The following MARCHF7 variants were observed in gnomAD, a reference collection of about 807,000 sequenced individuals.
MARCHF7 encodes the protein membrane associated ring-CH-type finger 7, also known as E3 ubiquitin-protein ligase MARCHF7.
Under a neutral mutation model 76.5 loss-of-function variants are expected in MARCHF7, and 20 were observed. The observed-to-expected ratio is 0.26, with a 90% CI of 0.18 to 0.38. MARCHF7 has a LOEUF of 0.38. MARCHF7 is among the 10% of genes least tolerant of loss of function. The pLI, the probability that MARCHF7 is intolerant of heterozygous loss-of-function variation, is 1.00. For synonymous variants in MARCHF7, 295 were observed against 293.0 expected (o/e 1.01, Z -0.07); for missense variants, 797 against 812.9 (o/e 0.98, Z 0.24).
Position 159,743,057 on chromosome 2 carries a change from A to G in MARCHF7, c.154-4A>G, listed in dbSNP as rs763854955. On this transcript the variant is annotated splice_region_variant and splice_polypyrimidine_tract_variant and intron_variant, in intron 4 of 11. Coordinates refer to ENST00000409175, the MANE Select transcript of MARCHF7 (RefSeq NM_001282805.2). ...TTGTTTAAAAAATTTTTTTGAACTCACAGTCTACATCAGCATCAGCATCTG... is the reference window on the plus strand; with the variant it reads ...TTGTTTAAAAAATTTTTTTGAACTCGCAGTCTACATCAGCATCAGCATCTG... The G allele has an allele frequency of 1.9e-6, 3 of 1,604,230 alleles. No individual in the cohort carries two copies. The South Asian group carries it at 3.3e-5, about 18-fold the overall frequency.
intron 3 of MARCHF7, among the ~76,000 whole-genome samples, chr2:159,726,818 C>T (rs879372168): frequency 6.6e-6 from 1 of 152,156 alleles, no homozygotes; most frequent in Non-Finnish European, 1.5e-5. Context: ...TGCCAACCAC[C>T]AATCTTCTTT....
Position 159,737,389 on chromosome 2 carries a change from T to C in MARCHF7, c.154-5672T>C, listed in dbSNP as rs940473943. On this transcript the variant is annotated intron_variant, in intron 4 of 11. Coordinates refer to ENST00000409175, the MANE Select transcript of MARCHF7 (RefSeq NM_001282805.2). ...TTTAATAAACATTTTTCCAAAGATATATTAATGGCTGATAAGCACATGAAA... is the reference window on the plus strand; with the variant it reads ...TTTAATAAACATTTTTCCAAAGATACATTAATGGCTGATAAGCACATGAAA... Among the ~76,000 whole-genome samples the C allele has an allele frequency of 2.0e-5, 3 of 152,138 alleles. No homozygotes were observed. The South Asian group carries it at 6.2e-4, about 32-fold the overall frequency.
chr2:159,760,817 A>G (rs1260117884), intron 9 of MARCHF7, among the ~76,000 whole-genome samples: 1 of 151,100 alleles, frequency 6.6e-6, no homozygotes, highest in Non-Finnish European at 1.5e-5. Flanking sequence ...TTAATGACCC[A>G]TATTCTTTAG....
intron 3 of MARCHF7, among the ~76,000 whole-genome samples, chr2:159,727,672 C>T (rs929555486): frequency 1.3e-5 from 2 of 152,176 alleles, no homozygotes; most frequent in African/African-American, 4.8e-5. Context: ...ATCTAGCGTA[C>T]ATTCATGGTA....
chr2:159,732,126 C>CA (rs1343709956), intron 4 of MARCHF7, among the ~76,000 whole-genome samples: 1 of 150,964 alleles, frequency 6.6e-6, no homozygotes, highest in Non-Finnish European at 1.5e-5. Context: ...AAACAAAAAA[C>CA]AAAAAAAAAT....
intron 7 of MARCHF7, among the ~76,000 whole-genome samples, chr2:159,749,387 G>A (rs1490398524): frequency 1.3e-5 from 2 of 151,470 alleles, no homozygotes; most frequent in East Asian, 3.9e-4. Context: ...AGTCTCTGTT[G>A]CCCAGGTTGG....
intron 5 of MARCHF7, among the ~76,000 whole-genome samples, chr2:159,745,247 GA>G (rs1464274608): frequency 7.2e-5 from 11 of 152,306 alleles, no homozygotes; most frequent in African/African-American, 1.4e-4. Flanking sequence ...AGGCAGAGAA[GA>G]ATATGTTTAG....
At chr2:159,764,136 A>T (rs898769461) in intron 10 of MARCHF7, among the ~76,000 whole-genome samples, 1 of 151,842 alleles carries the variant, frequency 6.6e-6, no homozygotes, top group African/African-American at 2.4e-5. Flanking sequence ...AGTGGAAGTC[A>T]TTAGGATTTT....
chr2:159,724,680 T>C (rs986722774), intron 3 of MARCHF7, among the ~76,000 whole-genome samples: 1 of 152,312 alleles, frequency 6.6e-6, no homozygotes. Context: ...TGTTCTTATT[T>C]TATGAATGAA....
chr2:159,746,853 TA>T (rs1285091212), intron 6 of MARCHF7, among the ~76,000 whole-genome samples: 3 of 152,256 alleles, frequency 2.0e-5, no homozygotes, highest in Admixed American at 6.5e-5. Context: ...TAGGTTATTT[TA>T]ATTTATCTTA....
At chr2:159,742,538 C>T (rs939863564) in intron 4 of MARCHF7, among the ~76,000 whole-genome samples, 9 of 134,922 alleles carry the variant, frequency 6.7e-5, no homozygotes, top group African/African-American at 2.5e-4. Context: ...GTTTCATAAC[C>T]AAGTGTTTAT....
At chr2:159,725,877 T>G (rs1386765445) in intron 3 of MARCHF7, among the ~76,000 whole-genome samples, 1 of 152,288 alleles carries the variant, frequency 6.6e-6, no homozygotes, top group East Asian at 1.9e-4. Flanking sequence ...AAGGCTAACC[T>G]TTAAAGTGGA....
intron 8 of MARCHF7, among the ~76,000 whole-genome samples, chr2:159,753,274 T>TA (rs1460095952): frequency 2.6e-5 from 4 of 151,974 alleles, no homozygotes; most frequent in African/African-American, 9.7e-5. Context: ...GGAGGGGAGA[T>TA]AAAGTTGTGA....
rs1373970432 is a variant in MARCHF7, at chr2:159,770,265, C to G, written c.*2923C>G. On this transcript the variant is annotated 3_prime_UTR_variant, in exon 12 of 12. Coordinates refer to ENST00000409175, the MANE Select transcript of MARCHF7 (RefSeq NM_001282805.2). Reference sequence around the variant, plus strand: ...TAAAATAGACATCTCAATCACTATACAAAATCTCAGAAATGTAAAGCTCTT... The same window carrying G: ...TAAAATAGACATCTCAATCACTATAGAAAATCTCAGAAATGTAAAGCTCTT... 1 of 152,118 alleles carries G rather than the reference C, an allele frequency of 6.6e-6. No individual in the cohort carries two copies. The highest frequency in any genetic ancestry group is 1.5e-5 in the Non-Finnish European group (1 of 68,018). The allele number at this position is 152,118 out of a possible 1,614,324, so 9.4% of individuals were successfully genotyped here.
chr2:159,728,444 G>A (rs1702413845), intron 3 of MARCHF7, among the ~76,000 whole-genome samples: 1 of 152,192 alleles, frequency 6.6e-6, no homozygotes, highest in Non-Finnish European at 1.5e-5. Flanking sequence ...AAAATTCATT[G>A]TTGAGATGGG....
intron 4 of MARCHF7, among the ~76,000 whole-genome samples, chr2:159,736,172 T>C (rs891083073): frequency 6.6e-6 from 1 of 152,192 alleles, no homozygotes; most frequent in Non-Finnish European, 1.5e-5. Flanking sequence ...AACCTCTGTG[T>C]TCAATCGTTT....
chr2:159,728,888 T>G lies in MARCHF7; in HGVS notation c.-14-121T>G, dbSNP rs529868415. 9 of 513,408 alleles carry G rather than the reference T, an allele frequency of 1.8e-5. No individual in the cohort carries two copies. The Admixed American group carries it at 2.5e-4, about 14-fold the overall frequency. The allele number at this position is 513,408 out of a possible 1,614,324, so 31.8% of individuals were successfully genotyped here. Reference sequence around the variant, plus strand: ...AGTGGTGATCATTTCACAATTTACGTTGTCAGATATGGTTAATTTGTATGG... The same window carrying G: ...AGTGGTGATCATTTCACAATTTACGGTGTCAGATATGGTTAATTTGTATGG... On this transcript the variant is annotated intron_variant, in intron 3 of 11. Coordinates refer to ENST00000409175, the MANE Select transcript of MARCHF7 (RefSeq NM_001282805.2).
rs1371583529 is a variant in MARCHF7 at position 159,770,563 on chromosome 2, G to T, written c.*3221G>T. The T allele has an allele frequency of 1.3e-5, 2 of 152,166 alleles. No individual in the cohort carries two copies. The highest frequency in any genetic ancestry group is 2.9e-5 in the Non-Finnish European group (2 of 68,028). 9.4% of individuals were successfully genotyped at this position (152,166 alleles called of 1,614,324 possible). ...AGATAATTGATGGGGTGTGGATTCA[G>T]AAGAGGGATTACTTTTCTTTGAGCC... is the stretch of plus-strand genomic sequence containing the variant. On this transcript the variant is annotated 3_prime_UTR_variant, in exon 12 of 12. Coordinates refer to ENST00000409175, the MANE Select transcript of MARCHF7 (RefSeq NM_001282805.2).
intron 9 of MARCHF7, among the ~76,000 whole-genome samples, chr2:159,762,030 A>T (rs1290604030): frequency 6.6e-6 from 1 of 152,168 alleles, no homozygotes; most frequent in Non-Finnish European, 1.5e-5. Flanking sequence ...TAAATACGCC[A>T]CTTGCTTTGG....
Sources: allele counts gnomAD v4.1 joint callset (sites outside exome capture counted in the v4.1 genomes callset), GRCh38; gene constraint gnomAD v4.1.1; transcripts MANE v1.5; gene names NCBI Gene and HGNC (gene_info 2026-07-23, HGNC 2026-07-21).